The following PIWIL1 variants were observed in gnomAD, a reference collection of about 807,000 sequenced individuals.
PIWIL1 encodes piwi-like protein 1.
A neutral mutation model predicts 114.4 loss-of-function variants in PIWIL1; 73 were observed. The observed-to-expected ratio is 0.64, with a 90% CI of 0.53 to 0.78. The LOEUF is 0.78. Among genes scored for constraint, PIWIL1 ranks in the 30% least tolerant of loss-of-function variants. The probability of loss-of-function intolerance (pLI) is 0.00; values close to 1 mark genes in which losing one functional copy is unlikely to be tolerated. For missense variants in PIWIL1, 723 were observed against 1,063.1 expected, an observed-to-expected ratio of 0.68 and a Z score of 4.45; for synonymous variants, 375 against 369.0, an observed-to-expected ratio of 1.02 and a Z score of -0.19.
chr12:130,391,258 G>A, the PIWIL1 span, among the ~76,000 whole-genome samples: 4 of 152,216 alleles, frequency 2.6e-5, no homozygotes, highest in Admixed American at 6.5e-5. Flanking sequence ...TCTCCGCTTC[G>A]GAAACAATGT....
chr12:130,341,136 G>C (rs546493528), intron 1 of PIWIL1, among the ~76,000 whole-genome samples: 4 of 152,198 alleles, frequency 2.6e-5, no homozygotes, highest in Middle Eastern at 3.2e-3. Context: ...TAGAACCTTG[G>C]ATGGTTTCTC....
Position 130,338,880 on chromosome 12 carries a change from GGGGGCGAGGTCCCAGGTGCA to G in PIWIL1, c.-13+740_-13+759del, listed in dbSNP as rs1369658599. On this transcript the variant is annotated intron_variant, in intron 1 of 20. Coordinates refer to ENST00000245255, the MANE Select transcript of PIWIL1 (RefSeq NM_004764.5). ...TGCGGGGGTGCAGGGGCCGGGGTGC[GGGGGCGAGGTCCCAGGTGCA>G]GGGGCCGGGGTGAGAGGCTGAGGCC... Among the ~76,000 whole-genome samples the G allele has an allele frequency of 9.1e-3, 1,361 of 149,770 alleles. 10 individuals are homozygous for G. The highest frequency in any genetic ancestry group is 0.016 in the Non-Finnish European group (1,062 of 66,974).
At chr12:130,391,904 C>T in the PIWIL1 span, among the ~76,000 whole-genome samples, 7 of 146,932 alleles carry the variant, frequency 4.8e-5, no homozygotes, top group Admixed American at 6.8e-5. Context: ...CACATGCGTG[C>T]GTCAGTGACC....
chr12:130,350,997 G>C (rs1017978940), intron 9 of PIWIL1: 15 of 152,018 alleles, frequency 9.9e-5, no homozygotes, highest in Non-Finnish European at 7.4e-5. Context: ...AACAGCCAGG[G>C]GTCATTTCAG....
At chr12:130,346,890 A>C in intron 5 of PIWIL1, 51 bp from the exon 6 acceptor site, 2 of 1,587,336 alleles carry the variant, frequency 1.3e-6, no homozygotes. Flanking sequence ...GATTGGGCAT[A>C]ATTGTCCTTT....
intron 9 of PIWIL1, among the ~76,000 whole-genome samples, chr12:130,353,441 A>G (rs1185748943): frequency 6.7e-6 from 1 of 149,590 alleles, no homozygotes; most frequent in South Asian, 2.1e-4. Context: ...TTTTTTTTTT[A>G]AAGCTGGATC....
rs533583982 is a variant in PIWIL1 at position 130,343,621 on chromosome 12, C to CTT, written c.190+541_190+542dup. Among the ~76,000 whole-genome samples, 279 of 116,458 alleles carry CTT rather than the reference C, an allele frequency of 2.4e-3. 1 individual carries two copies. The highest frequency in any genetic ancestry group is 4.6e-3 in the East Asian group (19 of 4,160). The allele number at this position is 116,458 out of a possible 152,430, so 76.4% of individuals were successfully genotyped here. ...AGGGATGTGGATGCATTGAAGGATT[C>CTT]TTTTTTTTTTTTTTTTTTTTTTGAG... On this transcript the variant is annotated intron_variant, in intron 3 of 20. Coordinates refer to ENST00000245255, the MANE Select transcript of PIWIL1 (RefSeq NM_004764.5).
the PIWIL1 span, among the ~76,000 whole-genome samples, chr12:130,393,883 C>T: frequency 2.6e-5 from 4 of 152,218 alleles, no homozygotes; most frequent in African/African-American, 4.8e-5. Flanking sequence ...TCCCCAATAT[C>T]AGCGGTTTCA....
the PIWIL1 span, among the ~76,000 whole-genome samples, chr12:130,392,955 T>G: frequency 6.0e-5 from 6 of 99,778 alleles, no homozygotes; most frequent in South Asian, 7.3e-4. Flanking sequence ...AATGTTGTGA[T>G]GACCCAGTCA....
At chr12:130,392,794 C>T in the PIWIL1 span, among the ~76,000 whole-genome samples, 7 of 38,348 alleles carry the variant, frequency 1.8e-4, no homozygotes, top group Admixed American at 7.2e-4. Context: ...ACCGTCATCA[C>T]GTGTGTCCGT....
the PIWIL1 span, chr12:130,399,613 A>G: frequency 1.3e-6 from 2 of 1,552,646 alleles, no homozygotes; most frequent in Non-Finnish European, 1.8e-6. Flanking sequence ...ATCAGTGCAA[A>G]GATTGTATTA....
the PIWIL1 span, chr12:130,424,435 C>G: frequency 1.4e-5 from 17 of 1,232,582 alleles, no homozygotes; most frequent in East Asian, 5.4e-4. This position sits in a 1 kb window ranked among gnomAD's most constrained non-coding sequence, Gnocchi z 9.8. Flanking sequence ...GGACAGTGAC[C>G]AGGGCCTGGG....
Position 130,361,524 on chromosome 12 carries a change from C to T in PIWIL1, c.1893C>T (p.Ile631=), listed in dbSNP as rs35377726. ...IPLKLVMIVG[I]DCYHDMTAGR... ...TGAAGCTCGTGATGATCGTTGGCAT[C>T]GATTGTTACCATGACATGACAGCTG... Residue 631 remains isoleucine (I), a synonymous_variant, in exon 16 of 21, where the codon ATC becomes ATT. Transcript: ENST00000245255. 331 of 1,614,132 alleles carry T rather than the reference C, an allele frequency of 2.1e-4. No homozygotes were observed. The African/African-American group carries it at 3.7e-3, about 18-fold the overall frequency.
the PIWIL1 span, chr12:130,406,059 G>A: frequency 7.0e-4 from 486 of 689,984 alleles, no homozygotes; most frequent in Non-Finnish European, 1.0e-3. Flanking sequence ...ATCAGCAGGC[G>A]TATGACGTTC....
the PIWIL1 span, among the ~76,000 whole-genome samples, chr12:130,400,594 G>A: frequency 5.4e-3 from 817 of 152,200 alleles, 4 homozygotes; most frequent in Non-Finnish European, 6.0e-3. Flanking sequence ...TGGGCAACAC[G>A]GAATCCTGTT....
At chr12:130,417,788 G>A in the PIWIL1 span, among the ~76,000 whole-genome samples, 39 of 152,306 alleles carry the variant, frequency 2.6e-4, no homozygotes, top group African/African-American at 7.5e-4. Flanking sequence ...TAATACATAT[G>A]CATATATATA....
Position 130,346,351 on chromosome 12 carries a change from C to T in PIWIL1, c.317-19C>T. ...ATAAACTTGATATTTTGTTAATTGACTATAACTTCCTTTTCCAGGTTCTTC... is the reference window on the plus strand; with the variant it reads ...ATAAACTTGATATTTTGTTAATTGATTATAACTTCCTTTTCCAGGTTCTTC... On this transcript the variant is annotated intron_variant, in intron 4 of 20. Transcript: ENST00000245255. 1 of 1,572,460 alleles carries T rather than the reference C, an allele frequency of 6.4e-7. No individual in the cohort carries two copies. The highest frequency in any genetic ancestry group is 8.7e-7 in the Non-Finnish European group (1 of 1,144,484).
chr12:130,347,399 G>T (rs574168593), intron 6 of PIWIL1, among the ~76,000 whole-genome samples: 32 of 152,150 alleles, frequency 2.1e-4, no homozygotes, highest in Non-Finnish European at 4.3e-4. Flanking sequence ...CAGGTCGTTT[G>T]TTCCACCACA....
At chr12:130,369,378 G>A (rs2073756658) in intron 19 of PIWIL1, among the ~76,000 whole-genome samples, 1 of 152,140 alleles carries the variant, frequency 6.6e-6, no homozygotes, top group Non-Finnish European at 1.5e-5. Flanking sequence ...TATCTTTATA[G>A]CAGAATTATT....
Sources: allele counts gnomAD v4.1 joint callset (sites outside exome capture counted in the v4.1 genomes callset), GRCh38; gene constraint gnomAD v4.1.1; non-coding constraint Gnocchi (gnomAD v3.1); transcripts MANE v1.5; gene names NCBI Gene and HGNC (gene_info 2026-07-23, HGNC 2026-07-21).